Variants in SERTAD3 observed in about 807,000 individuals in gnomAD.
The protein encoded by SERTAD3 is SERTA domain-containing protein 3.
Under a neutral mutation model 11.9 loss-of-function variants are expected in SERTAD3, and 6 were observed. That is an observed-to-expected ratio of 0.50 (90% CI 0.28 to 0.99). The LOEUF (loss-of-function observed/expected upper bound fraction) is 0.99. Among genes scored for constraint, SERTAD3 ranks in the 50% least tolerant of loss-of-function variants. The probability of loss-of-function intolerance (pLI) is 0.11; values close to 1 mark genes in which losing one functional copy is unlikely to be tolerated. For missense variants in SERTAD3, 261 were observed against 240.9 expected (o/e 1.08, Z -0.55); for synonymous variants, 101 against 98.9 (o/e 1.02, Z -0.13).
Position 40,441,250 on chromosome 19 carries a change from A to G in SERTAD3, c.*240T>C, listed in dbSNP as rs2079672906. The G allele has an allele frequency of 4.9e-6, 2 of 411,558 alleles. No individual in the cohort carries two copies. The highest frequency in any genetic ancestry group is 2.1e-5 in the African/African-American group (1 of 48,706). The allele number at this position is 411,558 out of a possible 1,614,324, so 25.5% of individuals were successfully genotyped here. A position where few individuals can be genotyped will look rare whatever the true frequency, so the allele number is the denominator to read the frequency against. On this transcript the variant is annotated 3_prime_UTR_variant, in exon 2 of 2. Coordinates refer to ENST00000322354, the MANE Select transcript of SERTAD3 (RefSeq NM_203344.3). ...AGTGGAAAATCAGACTCCCAGAAACAGAGTCTCGTTAAGGCATTTGGAATA... is the reference window on the plus strand; with the variant it reads ...AGTGGAAAATCAGACTCCCAGAAACGGAGTCTCGTTAAGGCATTTGGAATA...
In SERTAD3 at chr19:40,441,987, C is replaced by G; in HGVS notation, c.94G>C (p.Ala32Pro). 1.9e-6 allele frequency: 3 copies of G among 1,546,722 alleles called. No individual in the cohort carries two copies. The highest frequency in any genetic ancestry group is 2.6e-6 in the Non-Finnish European group (3 of 1,149,296). ...SPAGLQSYQQALLRISLDKVQ... is the reference protein window; with the variant it reads ...SPAGLQSYQQPLLRISLDKVQ... ...TTGTCTAGGGAGATGCGGAGCAGGG[C>G]TTGCTGGTAGCTCTGAAGGCCTGCT... The change falls in exon 2 of 2, where the codon GCC (alanine) becomes CCC (proline). Residue 32 changes from alanine (A) to proline (P), a missense_variant. Coordinates refer to ENST00000322354, the MANE Select transcript of SERTAD3 (RefSeq NM_203344.3).
chr19:40,442,005 G>T lies in SERTAD3; in HGVS notation c.76C>A (p.Leu26Ile), dbSNP rs1364626260. ...EERWEWSPAG[L>I]QSYQQALLRI... ...AGCAGGGCTTGCTGGTAGCTCTGAA[G>T]GCCTGCTGGACTCCACTCCCACCTC... Residue 26 changes from leucine (L) to isoleucine (I), a missense_variant, in exon 2 of 2, where the codon CTT becomes ATT. By Grantham distance (5) the Leu-to-Ile change is conservative. Coordinates refer to ENST00000322354, the MANE Select transcript of SERTAD3 (RefSeq NM_203344.3). 2 of 1,530,586 alleles carry T rather than the reference G, an allele frequency of 1.3e-6. No homozygotes were observed. Among genetic ancestry groups the T allele is most frequent in the East Asian group, 4.6e-5 (2 of 43,872 alleles). 94.8% of individuals were successfully genotyped at this position (1,530,586 alleles called of 1,614,324 possible). A position where few individuals can be genotyped will look rare whatever the true frequency, so the allele number is the denominator to read the frequency against.
intron 1 of SERTAD3, 68 bp from the exon 2 acceptor site, chr19:40,442,154 C>A: frequency 1.1e-6 from 1 of 915,390 alleles, no homozygotes; most frequent in Non-Finnish European, 1.5e-6. Flanking sequence ...TCATATCCCA[C>A]TTTCTCAGGC....
chr19:40,443,454 A>T (rs568285437), intron 1 of SERTAD3: 24 of 153,450 alleles, frequency 1.6e-4, no homozygotes, highest in African/African-American at 5.5e-4. Context: ...CGGGGCCGCG[A>T]GTCTGAGCTC....
Position 40,441,554 on chromosome 19 carries a change from C to G in SERTAD3, c.527G>C (p.Cys176Ser). The change falls in exon 2 of 2, where the codon TGT becomes TCT. Residue 176 changes from cysteine (C) to serine (S), a missense_variant. Transcript: ENST00000322354. Reference protein sequence around the residue: ...APPEPPHNLFCAPGSWEWNEL... With the variant: ...APPEPPHNLFSAPGSWEWNEL... ...ATTCCACTCCCAAGAACCTGGGGCACAGAAGAGGTTGTGAGGAGGCTCTGG... is the reference window on the plus strand; with the variant it reads ...ATTCCACTCCCAAGAACCTGGGGCAGAGAAGAGGTTGTGAGGAGGCTCTGG... The G allele has an allele frequency of 6.2e-7, 1 of 1,614,080 alleles. No individual in the cohort carries two copies. The highest frequency in any genetic ancestry group is 1.3e-5 in the African/African-American group (1 of 75,054).
In SERTAD3 at chr19:40,441,368, G is replaced by A. The variant is rs2079673933; in HGVS notation, c.*122C>T. Reference sequence around the variant, plus strand: ...AGACAGTTTGTGGAACCCTGAAATGGGAACAAAGGAGGCCATAGTCACTGC... The same window carrying A: ...AGACAGTTTGTGGAACCCTGAAATGAGAACAAAGGAGGCCATAGTCACTGC... On this transcript the variant is annotated 3_prime_UTR_variant, in exon 2 of 2. Coordinates refer to ENST00000322354, the MANE Select transcript of SERTAD3 (RefSeq NM_203344.3). 1 of 849,032 alleles carries A rather than the reference G, an allele frequency of 1.2e-6. No homozygotes were observed. Among genetic ancestry groups the A allele is most frequent in the Non-Finnish European group, 1.9e-6 (1 of 537,410 alleles). 52.6% of individuals were successfully genotyped at this position (849,032 alleles called of 1,614,324 possible).
rs1187267531 is a variant in SERTAD3 at position 40,441,325 on chromosome 19, G to GAC, written c.*163_*164dup. 19 of 594,908 alleles carry GAC rather than the reference G, an allele frequency of 3.2e-5. No homozygotes were observed. The highest frequency in any genetic ancestry group is 9.4e-5 in the African/African-American group (5 of 52,976). The allele number at this position is 594,908 out of a possible 1,614,324, so 36.9% of individuals were successfully genotyped here. A position where few individuals can be genotyped will look rare whatever the true frequency, so the allele number is the denominator to read the frequency against. On this transcript the variant is annotated 3_prime_UTR_variant, in exon 2 of 2. Coordinates refer to ENST00000322354, the MANE Select transcript of SERTAD3 (RefSeq NM_203344.3). Reference sequence around the variant, plus strand: ...CCTTCACAGAAGGTCGGGGTAACCAGACACACACACACATGCAAGACAGTT... The same window carrying GAC: ...CCTTCACAGAAGGTCGGGGTAACCAGACACACACACACACATGCAAGACAGTT...
At chr19:40,443,105 G>T (rs2079690526) in intron 1 of SERTAD3, among the ~76,000 whole-genome samples, 1 of 151,742 alleles carries the variant, frequency 6.6e-6, no homozygotes, top group Non-Finnish European at 1.5e-5. Context: ...AAACTTGCTA[G>T]AACTCAGCTC....
Position 40,441,387 on chromosome 19 carries a change from T to C in SERTAD3, c.*103A>G. ...GAAATGGGAACAAAGGAGGCCATAG[T>C]CACTGCTTCGAGCCCCCACAAAAAC... is the stretch of plus-strand genomic sequence containing the variant. On this transcript the variant is annotated 3_prime_UTR_variant, in exon 2 of 2. Transcript: ENST00000322354. The C allele has an allele frequency of 1.0e-6, 1 of 1,001,320 alleles. No homozygotes were observed. Among genetic ancestry groups the C allele is most frequent in the South Asian group, 1.6e-5 (1 of 62,906 alleles). 62.0% of individuals were successfully genotyped at this position (1,001,320 alleles called of 1,614,324 possible).
chr19:40,441,798 T>C lies in SERTAD3; in HGVS notation c.283A>G (p.Ile95Val). Residue 95 changes from isoleucine (I) to valine (V), a missense_variant, in exon 2 of 2, where the codon ATT becomes GTT. By Grantham distance (29) the Ile-to-Val change is conservative. Transcript: ENST00000322354. ...GEEDFSLSATIGSILRELDTS... is the reference protein window; with the variant it reads ...GEEDFSLSATVGSILRELDTS... ...TCCAGCTCCCTGAGGATAGAGCCAA[T>C]GGTGGCTGACAGGGAGAAATCCTCC... 1.3e-6 allele frequency: 2 copies of C among 1,599,142 alleles called. No individual in the cohort carries two copies. The highest frequency in any genetic ancestry group is 2.2e-5 in the East Asian group (1 of 44,524).
chr19:40,441,852 G>C lies in SERTAD3; in HGVS notation c.229C>G (p.Leu77Val), dbSNP rs1358142736. The change falls in exon 2 of 2, where the codon CTG becomes GTG. Residue 77 changes from leucine to valine, a missense_variant. Transcript: ENST00000322354. ...CCCAGGAAGAGGGGCTCGGGGGGCA[G>C]GGCAGGGGCGGGAGCCAGGCGAAGT... The part of the protein sequence containing the change: ...AALRLAPAPA[L>V]PPEPLFLGEE... The C allele has an allele frequency of 6.3e-7, 1 of 1,581,038 alleles. No homozygotes were observed. The highest frequency in any genetic ancestry group is 1.8e-5 in the Admixed American group (1 of 55,432).
intron 1 of SERTAD3, chr19:40,442,737 G>C (rs1461135439): frequency 2.6e-5 from 4 of 152,416 alleles, no homozygotes; most frequent in African/African-American, 9.7e-5. Flanking sequence ...ACAGGGTCTC[G>C]CTCTGTCGCC....
chr19:40,441,474 C>T lies in SERTAD3; in HGVS notation c.*16G>A, dbSNP rs779080578. On this transcript the variant is annotated 3_prime_UTR_variant, in exon 2 of 2. Transcript: ENST00000322354. Reference sequence around the variant, plus strand: ...GAAGATGACATGAGGAAGGATCGATCCCCTCTATCACAGTTTTAGGACCCC... The same window carrying T: ...GAAGATGACATGAGGAAGGATCGATTCCCTCTATCACAGTTTTAGGACCCC... 4 of 1,551,020 alleles carry T rather than the reference C, an allele frequency of 2.6e-6. No homozygotes were observed. In the East Asian group the frequency reaches 6.8e-5, roughly 26 times the overall value.
At chr19:40,443,177 C>T in intron 1 of SERTAD3, among the ~76,000 whole-genome samples, 2 of 148,374 alleles carry the variant, frequency 1.3e-5, no homozygotes, top group South Asian at 4.2e-4. Flanking sequence ...TAAGGCCCCG[C>T]CCCCCCATGG....
intron 1 of SERTAD3, among the ~76,000 whole-genome samples, chr19:40,443,100 T>C (rs754086762): frequency 1.3e-5 from 2 of 151,666 alleles, no homozygotes; most frequent in Non-Finnish European, 2.9e-5. Flanking sequence ...TAGGAAAACT[T>C]GCTAGAACTC....
At position 40,440,858 on chromosome 19, in the gene SERTAD3, CTTTT is replaced by C. The variant is rs1355878831; in HGVS notation, c.*628_*631del. On this transcript the variant is annotated 3_prime_UTR_variant, in exon 2 of 2. Coordinates refer to ENST00000322354, the MANE Select transcript of SERTAD3 (RefSeq NM_203344.3). ...AGACAACATCCCTCCTTCCAAAATA[CTTTT>C]ATTTAAAAAAATTACAAACAATCCA... is the stretch of plus-strand genomic sequence containing the variant. The C allele has an allele frequency of 7.5e-6, 1 of 133,218 alleles. No individual in the cohort carries two copies. Among genetic ancestry groups the C allele is most frequent in the Non-Finnish European group, 1.6e-5 (1 of 63,690 alleles). The allele number at this position is 133,218 out of a possible 1,614,324, so 8.3% of individuals were successfully genotyped here. A position where few individuals can be genotyped will look rare whatever the true frequency, so the allele number is the denominator to read the frequency against.
rs547262323 is a variant in SERTAD3, at chr19:40,440,902, A to G, written c.*588T>C. ...CAAACAATCCAAAAAAAAAAAAAAA[A>G]GCCACCACAAACTCTGCCTTTCTTT... On this transcript the variant is annotated 3_prime_UTR_variant, in exon 2 of 2. Transcript: ENST00000322354. The G allele has an allele frequency of 6.6e-6, 1 of 151,108 alleles. No individual in the cohort carries two copies. The highest frequency in any genetic ancestry group is 2.4e-5 in the African/African-American group (1 of 41,052). 9.4% of individuals were successfully genotyped at this position (151,108 alleles called of 1,614,324 possible). A position where few individuals can be genotyped will look rare whatever the true frequency, so the allele number is the denominator to read the frequency against.
In SERTAD3 at chr19:40,441,948, G is replaced by C. The variant is rs1227665526; in HGVS notation, c.133C>G (p.Leu45Val). ...RISLDKVQRS[L>V]GPRAPSLRRH... Reference sequence around the variant, plus strand: ...CGGAGGCTGGGTGCTCGGGGGCCCAGGCTGCGCTGGACTTTGTCTAGGGAG... The same window carrying C: ...CGGAGGCTGGGTGCTCGGGGGCCCACGCTGCGCTGGACTTTGTCTAGGGAG... The change falls in exon 2 of 2, where the codon CTG becomes GTG. Residue 45 changes from leucine (L) to valine (V), a missense_variant. Transcript: ENST00000322354. 1 of 1,570,782 alleles carries C rather than the reference G, an allele frequency of 6.4e-7. No homozygotes were observed. The highest frequency in any genetic ancestry group is 8.6e-7 in the Non-Finnish European group (1 of 1,159,690).
In SERTAD3 at chr19:40,441,906, G is replaced by A; in HGVS notation, c.175C>T (p.His59Tyr). Residue 59 changes from histidine to tyrosine, a missense_variant, in exon 2 of 2, where the codon CAT becomes TAT. Physicochemically the swap from His to Tyr is moderately conservative, Grantham distance 83. Transcript: ENST00000322354. ...APSLRRHVLIHNTLQQLQAAL... is the reference protein window; with the variant it reads ...APSLRRHVLIYNTLQQLQAAL... The stretch of plus-strand genomic sequence containing the variant: ...GCCTGCAGCTGTTGGAGGGTGTTAT[G>A]GATGAGGACATGCCTGCGGAGGCTG... 12 of 1,579,430 alleles carry A rather than the reference G, an allele frequency of 7.6e-6. No individual in the cohort carries two copies. The highest frequency in any genetic ancestry group is 1.0e-5 in the Non-Finnish European group (12 of 1,163,362).
Sources: allele counts gnomAD v4.1 joint callset (sites outside exome capture counted in the v4.1 genomes callset), GRCh38; gene constraint gnomAD v4.1.1; transcripts MANE v1.5; gene names NCBI Gene and HGNC (gene_info 2026-07-23, HGNC 2026-07-21).